GPC3: variants seen among roughly 807,000 people sequenced by gnomAD.
GPC3 encodes glypican 3.
GPC3 carries 3 observed loss-of-function variants against 34.4 expected under a neutral mutation model. That is an observed-to-expected ratio of 0.09 (90% CI 0.04 to 0.23). The LOEUF (loss-of-function observed/expected upper bound fraction) is 0.23, where lower values mean the gene tolerates loss of function less well. Among genes scored for constraint, GPC3 ranks in the 10% least tolerant of loss-of-function variants. The probability of loss-of-function intolerance (pLI) is 1.00; values close to 1 mark genes in which losing one functional copy is unlikely to be tolerated. For synonymous variants in GPC3, 177 were observed against 174.0 expected, an observed-to-expected ratio of 1.02 and a Z score of -0.13; for missense variants, 351 against 445.6, an observed-to-expected ratio of 0.79 and a Z score of 1.91.
At chrX:133,610,351 C>A (rs980416809) in intron 6 of GPC3, among the ~76,000 whole-genome samples, 5 of 110,721 alleles carry the variant, frequency 4.5e-5, no homozygotes, top group Non-Finnish European at 9.4e-5. Flanking sequence ...GTGGTAGGAA[C>A]AGCAGAAGGT....
chrX:133,849,669 C>A (rs899269750), intron 2 of GPC3, among the ~76,000 whole-genome samples: 2 of 111,418 alleles, frequency 1.8e-5, no homozygotes, highest in African/African-American at 6.5e-5. Flanking sequence ...CAGACAGGAC[C>A]CACTTAACTG....
At chrX:133,838,293 T>C (rs1409284317) in intron 2 of GPC3, among the ~76,000 whole-genome samples, 1 of 112,449 alleles carries the variant, frequency 8.9e-6, no homozygotes, top group Non-Finnish European at 1.9e-5. Context: ...TCTCCCTTTT[T>C]AAAGATGAAA....
intron 7 of GPC3, among the ~76,000 whole-genome samples, chrX:133,580,114 G>T (rs928967236): frequency 8.9e-6 from 1 of 112,002 alleles, no homozygotes; most frequent in Non-Finnish European, 1.9e-5. Context: ...GTTGGGGCCA[G>T]ATTAGGAAAG....
At chrX:133,857,408 A>G (rs2075908952) in intron 2 of GPC3, among the ~76,000 whole-genome samples, 1 of 112,279 alleles carries the variant, frequency 8.9e-6, no homozygotes, top group African/African-American at 3.2e-5. Context: ...AACTACCTAT[A>G]TAAATTTCAT....
chrX:133,582,978 T>C (rs1333471188), intron 7 of GPC3, among the ~76,000 whole-genome samples: 1 of 111,738 alleles, frequency 8.9e-6, no homozygotes, highest in Non-Finnish European at 1.9e-5. Flanking sequence ...TGGATTCTTG[T>C]AGTGGCAAAA....
chrX:133,598,267 C>T (rs1403528118), intron 6 of GPC3, among the ~76,000 whole-genome samples: 3 of 110,674 alleles, frequency 2.7e-5, no homozygotes, highest in Non-Finnish European at 5.7e-5. Context: ...ATCCTCCCAC[C>T]TCAGCTTCCT....
chrX:133,915,235 G>A (rs1032662645), intron 2 of GPC3, among the ~76,000 whole-genome samples: 13 of 109,584 alleles, frequency 1.2e-4, no homozygotes, highest in Non-Finnish European at 1.7e-4. Context: ...GAGCAATGGC[G>A]CAATCTCAGC....
At chrX:133,846,525 C>T (rs937091014) in intron 2 of GPC3, among the ~76,000 whole-genome samples, 2 of 111,079 alleles carry the variant, frequency 1.8e-5, no homozygotes, top group African/African-American at 6.5e-5. Context: ...TCTCCAAAGA[C>T]CTGAAGAAAT....
At chrX:133,682,722 T>C (rs1356927370) in intron 5 of GPC3, among the ~76,000 whole-genome samples, 3 of 111,495 alleles carry the variant, frequency 2.7e-5, no homozygotes, top group Non-Finnish European at 5.7e-5. Context: ...ATCCCAGCAC[T>C]TTAGGAAGCC....
rs72615422 is a variant in GPC3 at position 133,912,931 on chromosome X, G to A, written c.337+40119C>T. On this transcript the variant is annotated intron_variant, in intron 2 of 7. Transcript: ENST00000370818. ...AGGCCGGGCGTGGTGGTGCACGCCT[G>A]TAGTCCCAGCTACTCGGGAGTCTGA... 1.7e-3 allele frequency among the ~76,000 whole-genome samples: 183 copies of A among 109,971 alleles called. 1 individual carries two copies. The East Asian group carries it at 0.047, about 28-fold the overall frequency.
intron 7 of GPC3, among the ~76,000 whole-genome samples, chrX:133,553,184 A>G (rs1006787922): frequency 8.9e-6 from 1 of 112,091 alleles, no homozygotes; most frequent in Non-Finnish European, 1.9e-5. Context: ...TAACTATAGA[A>G]TACATCACAT....
chrX:133,581,355 T>A (rs2069729140), intron 7 of GPC3, among the ~76,000 whole-genome samples: 1 of 112,252 alleles, frequency 8.9e-6, no homozygotes, highest in Admixed American at 9.5e-5. Context: ...AGACAGAAAT[T>A]TTCTCTCACT....
chrX:133,581,504 C>T (rs1166187790), intron 7 of GPC3, among the ~76,000 whole-genome samples: 1 of 112,276 alleles, frequency 8.9e-6, no homozygotes, highest in African/African-American at 3.2e-5. Flanking sequence ...AGGAAGTATG[C>T]ATGTCAGCTT....
intron 3 of GPC3, among the ~76,000 whole-genome samples, chrX:133,752,498 A>G (rs1413103081): frequency 2.7e-5 from 3 of 111,697 alleles, no homozygotes; most frequent in Non-Finnish European, 1.9e-5. Context: ...AAGCTCAACA[A>G]TGGTAGTGTA....
rs193205231 is a variant in GPC3, at chrX:133,833,847, A to T, written c.338-79671T>A. On this transcript the variant is annotated intron_variant, in intron 2 of 7. Transcript: ENST00000370818. ...AAGAAATGCAATCACCTTTAATTTT[A>T]CCACCTAAAGCTGTACACTCTCTGT... Among the ~76,000 whole-genome samples the T allele has an allele frequency of 1.7e-3, 190 of 112,192 alleles. 1 individual carries two copies. Among genetic ancestry groups the T allele is most frequent in the Middle Eastern group, 4.6e-3 (1 of 218 alleles).
At chrX:133,846,641 C>A (rs374885383) in intron 2 of GPC3, among the ~76,000 whole-genome samples, 1 of 111,676 alleles carries the variant, frequency 9.0e-6, no homozygotes, top group East Asian at 2.8e-4. Context: ...TCACTCAGTT[C>A]TGTAAAACTG....
chrX:133,548,837 C>A (rs1011200798), intron 7 of GPC3, among the ~76,000 whole-genome samples: 3 of 111,175 alleles, frequency 2.7e-5, no homozygotes, highest in African/African-American at 9.8e-5. Flanking sequence ...AGTCTCCCTG[C>A]ACAAGCTCTC....
intron 1 of GPC3, among the ~76,000 whole-genome samples, chrX:133,961,580 C>T (rs2076441660): frequency 9.0e-6 from 1 of 111,582 alleles, no homozygotes; most frequent in South Asian, 3.8e-4. Flanking sequence ...GTGAACAATT[C>T]ATTCATCCAA....
chrX:133,906,491 T>C (rs1017200624), intron 2 of GPC3, among the ~76,000 whole-genome samples: 1 of 112,330 alleles, frequency 8.9e-6, no homozygotes, highest in East Asian at 2.8e-4. Context: ...ATAGATGCAT[T>C]TTCACAGTCA....
Sources: gnomAD v4.1 joint callset for allele counts (sites outside exome capture counted in the v4.1 genomes callset) on GRCh38, gnomAD v4.1.1 for gene constraint, MANE v1.5 for transcripts, NCBI Gene and HGNC (gene_info 2026-07-23, HGNC 2026-07-21) for gene names.